Variants in RBFOX1 observed in about 807,000 individuals in gnomAD.
The protein encoded by RBFOX1 is RNA binding fox-1 homolog 1.
RBFOX1 carries 8 observed loss-of-function variants against 57.7 expected under a neutral mutation model. The observed-to-expected ratio is 0.14, with a 90% confidence interval of 0.08 to 0.25. The LOEUF is 0.25. Among genes scored for constraint, RBFOX1 ranks in the 10% least tolerant of loss-of-function variants. The pLI is 1.00. For missense variants in RBFOX1, 611 were observed against 548.5 expected, an observed-to-expected ratio of 1.11 and a Z score of -1.14; for synonymous variants, 326 against 222.4, an observed-to-expected ratio of 1.47 and a Z score of -4.15.
At chr16:6,215,044 G>C (rs1459832925) in intron 1 of RBFOX1, among the ~76,000 whole-genome samples, 4 of 132,282 alleles carry the variant, frequency 3.0e-5, no homozygotes, top group South Asian at 5.5e-4. Flanking sequence ...GAGAGGGAGA[G>C]GGGAGAAGGA....
intron 4 of RBFOX1, among the ~76,000 whole-genome samples, chr16:7,321,771 A>C (rs369486727): frequency 1.3e-5 from 2 of 152,256 alleles, no homozygotes; most frequent in African/African-American, 2.4e-5. Flanking sequence ...GAGGTCACTC[A>C]GAGTGGTTCC....
intron 3 of RBFOX1, among the ~76,000 whole-genome samples, chr16:6,962,903 G>C (rs901904547): frequency 1.8e-4 from 28 of 151,684 alleles, no homozygotes; most frequent in Non-Finnish European, 1.5e-5. Context: ...GTGAGCCTTG[G>C]GATGGGGTGA....
chr16:6,897,570 G>A (rs1337234699), intron 3 of RBFOX1, among the ~76,000 whole-genome samples: 4 of 152,222 alleles, frequency 2.6e-5, no homozygotes, highest in Non-Finnish European at 5.9e-5. Context: ...AAGGCGGGCG[G>A]ATCACTTGAG....
intron 1 of RBFOX1, among the ~76,000 whole-genome samples, chr16:6,230,520 C>G (rs1397450445): frequency 6.6e-6 from 1 of 152,116 alleles, no homozygotes. Flanking sequence ...CAAACCGCCC[C>G]AAAGCCTAGA....
intron 3 of RBFOX1, among the ~76,000 whole-genome samples, chr16:7,021,674 G>T (rs1425051136): frequency 4.1e-5 from 6 of 148,020 alleles, no homozygotes; most frequent in Admixed American, 2.7e-4. Context: ...CAGCCTATTT[G>T]CACAGACTGG....
At chr16:6,225,739 G>A (rs1338753512) in intron 1 of RBFOX1, among the ~76,000 whole-genome samples, 1 of 152,178 alleles carries the variant, frequency 6.6e-6, no homozygotes, top group Admixed American at 6.5e-5. Context: ...GTAATGTGGG[G>A]AATCATAACC....
intron 3 of RBFOX1, among the ~76,000 whole-genome samples, chr16:5,610,844 G>A (rs902277251): frequency 3.9e-5 from 6 of 151,944 alleles, no homozygotes; most frequent in African/African-American, 1.5e-4. Flanking sequence ...CTCCAGCCTG[G>A]GTGACAGAGC....
At chr16:6,680,099 G>T (rs1229208445) in intron 3 of RBFOX1, among the ~76,000 whole-genome samples, 1 of 151,708 alleles carries the variant, frequency 6.6e-6, no homozygotes, top group Non-Finnish European at 1.5e-5. Context: ...TGGAACTTCA[G>T]TTTTCTCATC....
intron 3 of RBFOX1, among the ~76,000 whole-genome samples, chr16:6,984,969 G>GAAAGT (rs1170034424): frequency 1.3e-5 from 2 of 152,090 alleles, no homozygotes; most frequent in Non-Finnish European, 2.9e-5. Context: ...CTACTGTAAG[G>GAAAGT]AAAGTGAAAA....
chr16:5,856,272 TAC>T lies in RBFOX1; in HGVS notation c.319-11027_319-11026del, dbSNP rs1217302416. 3.8e-4 allele frequency among the ~76,000 whole-genome samples: 14 copies of T among 36,546 alleles called. 1 individual carries two copies. Among genetic ancestry groups the T allele is most frequent in the African/African-American group, 7.4e-4 (8 of 10,794 alleles). The allele number at this position is 36,546 out of a possible 152,430, so 24.0% of individuals were successfully genotyped here. ...ATATGTATATATATGTATATATATATACACATATATATACACACACACACACA... is the reference window on the plus strand; with the variant it reads ...ATATGTATATATATGTATATATATATACATATATATACACACACACACACA... On this transcript the variant is annotated intron_variant, in intron 3 of 19. Transcript: ENST00000641259.
rs1567215553 is a variant in RBFOX1, at chr16:6,780,301, A to ACATATATATATTTATT, written c.-16+125657_-16+125672dup. ...TATATTTATACATATATATATTTAT[A>ACATATATATATTTATT]CATATATATATTTATTCATATTTAT... On this transcript the variant is annotated intron_variant, in intron 3 of 15. Transcript: ENST00000550418. Among the ~76,000 whole-genome samples, 33 of 46,586 alleles carry ACATATATATATTTATT rather than the reference A, an allele frequency of 7.1e-4. 1 individual carries two copies. Among genetic ancestry groups the ACATATATATATTTATT allele is most frequent in the African/African-American group, 3.3e-3 (32 of 9,802 alleles). The allele number at this position is 46,586 out of a possible 152,430, so 30.6% of individuals were successfully genotyped here. A position where few individuals can be genotyped will look rare whatever the true frequency, so the allele number is the denominator to read the frequency against.
chr16:6,737,817 T>A (rs939864367), intron 3 of RBFOX1, among the ~76,000 whole-genome samples: 1 of 152,212 alleles, frequency 6.6e-6, no homozygotes, highest in Non-Finnish European at 1.5e-5. Context: ...TTCATTTAGT[T>A]AACTCCTTTT....
intron 5 of RBFOX1, among the ~76,000 whole-genome samples, chr16:7,540,693 G>C (rs2082685997): frequency 6.6e-6 from 1 of 152,130 alleles, no homozygotes; most frequent in African/African-American, 2.4e-5. Context: ...ACTTCTGGTT[G>C]TCTCTTCTTG....
intron 3 of RBFOX1, among the ~76,000 whole-genome samples, chr16:6,811,293 C>G (rs1212723610): frequency 6.6e-6 from 1 of 152,128 alleles, no homozygotes; most frequent in Non-Finnish European, 1.5e-5. Flanking sequence ...AGAATTACCT[C>G]TCAACTTTGT....
intron 1 of RBFOX1, among the ~76,000 whole-genome samples, chr16:6,107,608 G>A (rs1437936179): frequency 6.6e-6 from 1 of 151,948 alleles, no homozygotes; most frequent in African/African-American, 2.4e-5. Context: ...TGCACGGATG[G>A]ATGGATACAT....
intron 2 of RBFOX1, among the ~76,000 whole-genome samples, chr16:5,595,109 G>A (rs750669565): frequency 1.3e-5 from 2 of 152,052 alleles, no homozygotes; most frequent in Non-Finnish European, 2.9e-5. Context: ...TCCTGCCACT[G>A]CACTCTAGCC....
intron 3 of RBFOX1, among the ~76,000 whole-genome samples, chr16:5,714,569 T>C (rs2151515955): frequency 6.6e-6 from 1 of 152,298 alleles, no homozygotes; most frequent in East Asian, 1.9e-4. Context: ...TACAATCGAA[T>C]GTCACTGAGG....
intron 4 of RBFOX1, among the ~76,000 whole-genome samples, chr16:7,227,239 C>G (rs1198487105): frequency 2.0e-5 from 3 of 151,258 alleles, no homozygotes; most frequent in African/African-American, 4.8e-5. Flanking sequence ...TGTGCTCTAT[C>G]TGTATATCTC....
chr16:5,983,918 T>TCCTCCTCCC (rs1384754713), intron 4 of RBFOX1, among the ~76,000 whole-genome samples: 1 of 133,024 alleles, frequency 7.5e-6, no homozygotes. Flanking sequence ...CTCCTCTTCC[T>TCCTCCTCCC]CCTCCTCCCC....
Sources: allele counts gnomAD v4.1 joint callset (sites outside exome capture counted in the v4.1 genomes callset), GRCh38; gene constraint gnomAD v4.1.1; transcripts MANE v1.5; gene names NCBI Gene and HGNC (gene_info 2026-07-23, HGNC 2026-07-21).